UGDH: variants seen among roughly 807,000 people sequenced by gnomAD.
UGDH encodes UDP-glucose 6-dehydrogenase, also known as UDP-Glc dehydrogenase.
In UGDH, 38 loss-of-function variants were observed where a neutral mutation model predicts 50.6. That is an observed-to-expected ratio of 0.75 (90% confidence interval 0.58 to 0.98). The LOEUF (loss-of-function observed/expected upper bound fraction) is 0.98. Ranked by LOEUF, UGDH falls within the 50% of genes least tolerant of loss-of-function variation. The pLI is 0.00. For missense variants in UGDH, 465 were observed against 606.2 expected (o/e 0.77, Z 2.45); for synonymous variants, 168 against 199.9 (o/e 0.84, Z 1.35).
chr4:39,521,216 T>C (rs1746647152), intron 2 of UGDH, 135 bp downstream of exon 2: 2 of 901,152 alleles, frequency 2.2e-6, no homozygotes, highest in Non-Finnish European at 1.6e-6. Context: ...GTCCATGTGT[T>C]TTGTATCCAG....
intron 2 of UGDH, among the ~76,000 whole-genome samples, chr4:39,515,488 AC>A (rs1746406182): frequency 8.7e-6 from 1 of 114,796 alleles, no homozygotes; most frequent in Non-Finnish European, 1.9e-5. Flanking sequence ...ATTGCAAGGA[AC>A]CCTTTTATTT....
At chr4:39,502,989 T>C (rs1377732703) in intron 11 of UGDH, among the ~76,000 whole-genome samples, 1 of 152,198 alleles carries the variant, frequency 6.6e-6, no homozygotes, top group Non-Finnish European at 1.5e-5. Context: ...TGATCTTGGC[T>C]CACTGCAACC....
chr4:39,500,653 C>CTTTTTTTTTTTTTT (rs11284301), intron 11 of UGDH, among the ~76,000 whole-genome samples: 6 of 135,224 alleles, frequency 4.4e-5, no homozygotes, highest in Non-Finnish European at 4.8e-5. Context: ...GCATAATTCT[C>CTTTTTTTTTTTTTT]TTTTTTTTTT....
At chr4:39,513,148 C>T (rs1407410179) in intron 3 of UGDH, among the ~76,000 whole-genome samples, 1 of 152,148 alleles carries the variant, frequency 6.6e-6, no homozygotes, top group Non-Finnish European at 1.5e-5. Context: ...ACTCAGCTTC[C>T]AACTGGTGAT....
chr4:39,519,783 G>A (rs574854732), intron 2 of UGDH, among the ~76,000 whole-genome samples: 7 of 152,028 alleles, frequency 4.6e-5, no homozygotes, highest in Admixed American at 2.6e-4. Context: ...CAGGTAATCC[G>A]CCTGCCTTGG....
At chr4:39,521,084 A>C (rs1279446020) in intron 2 of UGDH, among the ~76,000 whole-genome samples, 1 of 151,456 alleles carries the variant, frequency 6.6e-6, no homozygotes, top group Non-Finnish European at 1.5e-5. Context: ...AAAAAAAAAA[A>C]AAAAAAGAAA....
At chr4:39,519,165 C>T (rs940514974) in intron 2 of UGDH, among the ~76,000 whole-genome samples, 3 of 151,794 alleles carry the variant, frequency 2.0e-5, no homozygotes, top group Non-Finnish European at 2.9e-5. Context: ...GAACTGCTCA[C>T]CTCGGCTTCC....
chr4:39,510,761 C>G lies in UGDH; in HGVS notation c.365G>C (p.Gly122Ala). 1 of 1,614,100 alleles carries G rather than the reference C, an allele frequency of 6.2e-7. No homozygotes were observed. The part of the protein sequence containing the change: ...CARRIVQNSN[G>A]YKIVTEKSTV... ...GCTTTTCTCAGTCACAATTTTGTAC[C>G]CATTTGAGTTTTGCACAATGCGTCT... is the stretch of plus-strand genomic sequence containing the variant. The change falls in exon 4 of 12, where the codon GGG becomes GCG. Residue 122 changes from glycine (G) to alanine (A), a missense_variant. Gly to Ala is a moderately conservative substitution (Grantham distance 60). Coordinates refer to ENST00000316423, the MANE Select transcript of UGDH (RefSeq NM_003359.4).
Position 39,500,138 on chromosome 4 carries a change from A to G in UGDH, c.*5T>C. On this transcript the variant is annotated 3_prime_UTR_variant, in exon 12 of 12. Transcript: ENST00000316423. The stretch of plus-strand genomic sequence containing the variant: ...AAAAAAAATCACAAATAAAAATGGC[A>G]ATCTCTACACTTTAGGTTTCTTGTT... 6.6e-7 allele frequency: 1 copy of G among 1,504,682 alleles called. No homozygotes were observed. The highest frequency in any genetic ancestry group is 9.0e-7 in the Non-Finnish European group (1 of 1,115,780). The allele number at this position is 1,504,682 out of a possible 1,614,324, so 93.2% of individuals were successfully genotyped here. A position where few individuals can be genotyped will look rare whatever the true frequency, so the allele number is the denominator to read the frequency against.
intron 2 of UGDH, among the ~76,000 whole-genome samples, chr4:39,519,697 C>G (rs760963695): frequency 1.3e-5 from 2 of 151,896 alleles, no homozygotes; most frequent in Non-Finnish European, 2.9e-5. Context: ...CACCACTGCA[C>G]CCGGCTAATT....
chr4:39,502,793 C>A (rs1208492631), intron 11 of UGDH, among the ~76,000 whole-genome samples: 2 of 152,274 alleles, frequency 1.3e-5, no homozygotes, highest in South Asian at 2.1e-4. Flanking sequence ...GTCACCCAGG[C>A]TGGCATGCAA....
At chr4:39,524,814 C>CT (rs1438686134) in intron 1 of UGDH, among the ~76,000 whole-genome samples, 1 of 152,032 alleles carries the variant, frequency 6.6e-6, no homozygotes, top group Non-Finnish European at 1.5e-5. Context: ...TGGCCAAGTT[C>CT]TTTTTTTGAG....
chr4:39,520,698 G>T (rs1375696926), intron 2 of UGDH, among the ~76,000 whole-genome samples: 7 of 151,374 alleles, frequency 4.6e-5, no homozygotes, highest in Non-Finnish European at 8.8e-5. Context: ...ATTATTAAAA[G>T]TTGTATTTAT....
intron 8 of UGDH, 65 bp from the exon 9 acceptor site, chr4:39,505,435 T>C: frequency 1.5e-6 from 2 of 1,329,706 alleles, no homozygotes; most frequent in Non-Finnish European, 2.0e-6. Flanking sequence ...TACCAGGGAG[T>C]TTAAGATACA....
At chr4:39,513,852 C>A (rs896036983) in intron 3 of UGDH, among the ~76,000 whole-genome samples, 1 of 152,146 alleles carries the variant, frequency 6.6e-6, no homozygotes, top group African/African-American at 2.4e-5. Flanking sequence ...AGTTCTAAAT[C>A]TCAAATTAGA....
At chr4:39,516,424 T>G (rs1012332760) in intron 2 of UGDH, among the ~76,000 whole-genome samples, 1 of 152,204 alleles carries the variant, frequency 6.6e-6, no homozygotes, top group African/African-American at 2.4e-5. Flanking sequence ...CACACGGAGA[T>G]TCATTGTACT....
At chr4:39,526,514 A>G (rs1355753798) in intron 1 of UGDH, 1 of 152,484 alleles carries the variant, frequency 6.6e-6, no homozygotes, top group Non-Finnish European at 1.5e-5. Flanking sequence ...TCAAAGGCTC[A>G]CTGTGTCTTT....
chr4:39,510,624 T>C, intron 4 of UGDH, 37 bp downstream of exon 4: 1 of 1,614,136 alleles, frequency 6.2e-7, no homozygotes, highest in Non-Finnish European at 8.5e-7. Context: ...AGTATTTACA[T>C]AAGAATAACC....
chr4:39,501,509 A>AAG (rs1370595890), intron 11 of UGDH, among the ~76,000 whole-genome samples: 1 of 137,416 alleles, frequency 7.3e-6, no homozygotes, highest in Non-Finnish European at 1.6e-5. Context: ...TCCTGACCTC[A>AAG]TGATCCGCCC....
Sources: allele counts gnomAD v4.1 joint callset (sites outside exome capture counted in the v4.1 genomes callset), GRCh38; gene constraint gnomAD v4.1.1; transcripts MANE v1.5; gene names NCBI Gene and HGNC (gene_info 2026-07-23, HGNC 2026-07-21).